CYB5B: variants seen among roughly 807,000 people sequenced by gnomAD.
CYB5B encodes the protein cytochrome b5 type B (outer mitochondrial membrane).
A neutral mutation model predicts 21.3 loss-of-function variants in CYB5B; 14 were observed. The ratio of observed to expected loss-of-function variants is 0.66; its 90% CI spans 0.43 to 1.03. CYB5B has a LOEUF of 1.03. Among genes scored for constraint, CYB5B ranks in the 50% least tolerant of loss-of-function variants. The pLI, the probability that CYB5B is intolerant of heterozygous loss-of-function variation, is 0.00. For synonymous variants in CYB5B, 69 were observed against 68.4 expected (o/e 1.01, Z -0.04); for missense variants, 166 against 185.1 (o/e 0.90, Z 0.60).
At chr16:69,440,098 C>T in intron 1 of CYB5B, among the ~76,000 whole-genome samples, 1 of 145,464 alleles carries the variant, frequency 6.9e-6, no homozygotes, top group Non-Finnish European at 1.5e-5. Context: ...TGGTCTCCAA[C>T]CCCTGGCCTC....
intron 1 of CYB5B, chr16:69,444,352 C>T (rs9929547): frequency 0.12 from 18,833 of 152,468 alleles, 1,549 homozygotes; most frequent in African/African-American, 0.23. Flanking sequence ...TTTGGGTTTT[C>T]GTCGAGGCCT....
At chr16:69,447,522 A>G (rs1246525731) in intron 2 of CYB5B, among the ~76,000 whole-genome samples, 1 of 151,952 alleles carries the variant, frequency 6.6e-6, no homozygotes, top group Non-Finnish European at 1.5e-5. Context: ...GCACACTTGT[A>G]ATTCCAGCTC....
rs1289615711 is a variant in CYB5B at position 69,424,648 on chromosome 16, T to C, written c.-36T>C. 2 of 1,502,630 alleles carry C rather than the reference T, an allele frequency of 1.3e-6. No individual in the cohort carries two copies. The highest frequency in any genetic ancestry group is 1.8e-6 in the Non-Finnish European group (2 of 1,121,650). The allele number at this position is 1,502,630 out of a possible 1,614,324, so 93.1% of individuals were successfully genotyped here. On this transcript the variant is annotated 5_prime_UTR_variant, in exon 1 of 5. Coordinates refer to ENST00000307892, the MANE Select transcript of CYB5B (RefSeq NM_030579.3). Reference sequence around the variant, plus strand: ...GCTGAGCGCGGGCTCTCAAGGAAAGTAGTCGCGGAATCTCAGTTAGCGGTG... The same window carrying C: ...GCTGAGCGCGGGCTCTCAAGGAAAGCAGTCGCGGAATCTCAGTTAGCGGTG...
At chr16:69,432,595 A>G (rs920453870) in intron 1 of CYB5B, among the ~76,000 whole-genome samples, 3 of 152,202 alleles carry the variant, frequency 2.0e-5, no homozygotes, top group African/African-American at 4.8e-5. Context: ...ATAGTATTCT[A>G]TTAGTTGATT....
Position 69,465,218 on chromosome 16 carries a change from T to A in CYB5B, c.*2698T>A, listed in dbSNP as rs2015076708. 3 of 158,070 alleles carry A rather than the reference T, an allele frequency of 1.9e-5. No individual in the cohort carries two copies. The highest frequency in any genetic ancestry group is 4.8e-5 in the African/African-American group (2 of 41,638). The allele number at this position is 158,070 out of a possible 1,614,324, so 9.8% of individuals were successfully genotyped here. A position where few individuals can be genotyped will look rare whatever the true frequency, so the allele number is the denominator to read the frequency against. On this transcript the variant is annotated 3_prime_UTR_variant, in exon 5 of 5. Coordinates refer to ENST00000307892, the MANE Select transcript of CYB5B (RefSeq NM_030579.3). ...GACTAGCTGCTGCTGCTGCTGCTGC[T>A]GCAAACTGTACTGTACACATCATGG... is the stretch of plus-strand genomic sequence containing the variant.
At chr16:69,453,095 A>T (rs2014951953) in intron 3 of CYB5B, among the ~76,000 whole-genome samples, 1 of 152,096 alleles carries the variant, frequency 6.6e-6, no homozygotes, top group Admixed American at 6.5e-5. Context: ...GAAGGATTTG[A>T]TCTGTTTTTT....
chr16:69,448,361 C>T lies in CYB5B; in HGVS notation c.333+217C>T, dbSNP rs1014721422. On this transcript the variant is annotated intron_variant, in intron 3 of 4. Transcript: ENST00000307892. ...GAAACATTTTGCTAATGCCTTTATA[C>T]GCTTTTTTTTTTTAACTGAAACTCC... is the stretch of plus-strand genomic sequence containing the variant. The T allele has an allele frequency of 8.5e-5, 48 of 564,722 alleles. 1 individual carries two copies. The highest frequency in any genetic ancestry group is 4.0e-4 in the South Asian group (17 of 42,212). 35.0% of individuals were successfully genotyped at this position (564,722 alleles called of 1,614,324 possible).
At chr16:69,433,345 G>C (rs549042001) in intron 1 of CYB5B, among the ~76,000 whole-genome samples, 1 of 152,240 alleles carries the variant, frequency 6.6e-6, no homozygotes, top group African/African-American at 2.4e-5. Flanking sequence ...CAGTTTCACT[G>C]CCTCCTAAAG....
chr16:69,428,825 A>G (rs2014675420), intron 1 of CYB5B, among the ~76,000 whole-genome samples: 1 of 152,190 alleles, frequency 6.6e-6, no homozygotes, highest in Non-Finnish European at 1.5e-5. Context: ...ATCTGTAGGA[A>G]GAGCATAGAG....
intron 3 of CYB5B, among the ~76,000 whole-genome samples, chr16:69,452,677 AT>A (rs1428417295): frequency 2.7e-5 from 4 of 150,076 alleles, no homozygotes; most frequent in Non-Finnish European, 4.4e-5. Flanking sequence ...CTCAAAAAAA[AT>A]TTTTTTTTTA....
chr16:69,427,781 G>A (rs571230128), intron 1 of CYB5B, among the ~76,000 whole-genome samples: 1 of 151,956 alleles, frequency 6.6e-6, no homozygotes, highest in Non-Finnish European at 1.5e-5. Flanking sequence ...AGATCATGAG[G>A]TAAGGAGTTC....
chr16:69,453,620 C>T (rs1176240312), intron 3 of CYB5B, among the ~76,000 whole-genome samples: 3 of 152,068 alleles, frequency 2.0e-5, no homozygotes, highest in African/African-American at 4.8e-5. Flanking sequence ...TGCAGTGGCG[C>T]GATCTCGGCT....
intron 1 of CYB5B, among the ~76,000 whole-genome samples, chr16:69,425,934 CT>C (rs2014640589): frequency 6.6e-6 from 1 of 152,040 alleles, no homozygotes. Context: ...AATTTGGGGC[CT>C]AAAAGAGAAA....
rs796939520 is a variant in CYB5B, at chr16:69,463,192, G to A, written c.*672G>A. On this transcript the variant is annotated 3_prime_UTR_variant, in exon 5 of 5. Coordinates refer to ENST00000307892, the MANE Select transcript of CYB5B (RefSeq NM_030579.3). Reference sequence around the variant, plus strand: ...TGCCAAATGATTTTTGTTCTTTTATGTGCGTGATAAAAATACAAAGAATGG... The same window carrying A: ...TGCCAAATGATTTTTGTTCTTTTATATGCGTGATAAAAATACAAAGAATGG... The A allele has an allele frequency of 5.3e-5, 8 of 152,268 alleles. No individual in the cohort carries two copies. The highest frequency in any genetic ancestry group is 1.9e-4 in the African/African-American group (8 of 41,548). 9.4% of individuals were successfully genotyped at this position (152,268 alleles called of 1,614,324 possible).
chr16:69,428,740 G>A (rs544244893), intron 1 of CYB5B, among the ~76,000 whole-genome samples: 6 of 152,120 alleles, frequency 3.9e-5, no homozygotes, highest in South Asian at 4.1e-4. Context: ...AAATTTTAGC[G>A]ATGGTGCCGA....
intron 3 of CYB5B, among the ~76,000 whole-genome samples, chr16:69,457,401 T>G (rs2142827171): frequency 6.6e-6 from 1 of 152,340 alleles, no homozygotes; most frequent in Non-Finnish European, 1.5e-5. Context: ...AAATTATCCC[T>G]TTTAAAAATA....
intron 3 of CYB5B, among the ~76,000 whole-genome samples, chr16:69,456,767 TG>T (rs962577561): frequency 3.3e-5 from 5 of 152,160 alleles, no homozygotes; most frequent in South Asian, 2.1e-4. Context: ...AAATGAAGAC[TG>T]GGGGGAACTG....
Position 69,465,038 on chromosome 16 carries a change from C to T in CYB5B, c.*2518C>T, listed in dbSNP as rs1000103820. The T allele has an allele frequency of 2.0e-5, 3 of 151,978 alleles. No homozygotes were observed. The highest frequency in any genetic ancestry group is 7.3e-5 in the African/African-American group (3 of 41,358). 9.4% of individuals were successfully genotyped at this position (151,978 alleles called of 1,614,324 possible). A position where few individuals can be genotyped will look rare whatever the true frequency, so the allele number is the denominator to read the frequency against. The stretch of plus-strand genomic sequence containing the variant: ...ACTAGCCAAATCCATCCAAAAGGAC[C>T]TTTTTTTTAGGAAGTAGACTTGAAT... On this transcript the variant is annotated 3_prime_UTR_variant, in exon 5 of 5. Transcript: ENST00000307892.
chr16:69,447,981 A>C lies in CYB5B; in HGVS notation c.304-134A>C, dbSNP rs1452053929. Reference sequence around the variant, plus strand: ...ATGCTCAGAGTAGAGGTATCTTTCTATGGATCCTCAAATCTCCCAGGGAAT... The same window carrying C: ...ATGCTCAGAGTAGAGGTATCTTTCTCTGGATCCTCAAATCTCCCAGGGAAT... On this transcript the variant is annotated intron_variant, in intron 2 of 4. Coordinates refer to ENST00000307892, the MANE Select transcript of CYB5B (RefSeq NM_030579.3). 17 of 878,736 alleles carry C rather than the reference A, an allele frequency of 1.9e-5. No homozygotes were observed. In the African/African-American group the frequency reaches 2.4e-4, roughly 12 times the overall value. 54.4% of individuals were successfully genotyped at this position (878,736 alleles called of 1,614,324 possible). A position where few individuals can be genotyped will look rare whatever the true frequency, so the allele number is the denominator to read the frequency against.
Sources: gnomAD v4.1 joint callset for allele counts (sites outside exome capture counted in the v4.1 genomes callset) on GRCh38, gnomAD v4.1.1 for gene constraint, MANE v1.5 for transcripts, NCBI Gene and HGNC (gene_info 2026-07-23, HGNC 2026-07-21) for gene names.